Variants in PKP4 observed in about 807,000 individuals in gnomAD.
PKP4 encodes the protein plakophilin-4.
A neutral mutation model predicts 145.1 loss-of-function variants in PKP4; 90 were observed. The ratio of observed to expected loss-of-function variants is 0.62; its 90% CI spans 0.52 to 0.74. The LOEUF (loss-of-function observed/expected upper bound fraction) is 0.74. Among genes scored for constraint, PKP4 ranks in the 30% least tolerant of loss-of-function variants. The pLI, the probability that PKP4 is intolerant of heterozygous loss-of-function variation, is 0.00. For missense variants in PKP4, 1,340 were observed against 1,482.7 expected (o/e 0.90, Z 1.58); for synonymous variants, 563 against 577.2 (o/e 0.98, Z 0.35).
intron 1 of PKP4, among the ~76,000 whole-genome samples, chr2:158,523,549 A>G (rs1170672172): frequency 2.3e-5 from 1 of 43,786 alleles, no homozygotes; most frequent in East Asian, 6.0e-4. Flanking sequence ...GAACAGAAAA[A>G]CTGGAAACTC....
chr2:158,537,404 C>T (rs2044141066), intron 2 of PKP4, among the ~76,000 whole-genome samples: 1 of 152,046 alleles, frequency 6.6e-6, no homozygotes, highest in Non-Finnish European at 1.5e-5. Flanking sequence ...CACAAAATAT[C>T]CACCAGTGTT....
At chr2:158,643,506 TCCAAGA>T (rs2054502896) in intron 11 of PKP4, among the ~76,000 whole-genome samples, 1 of 151,408 alleles carries the variant, frequency 6.6e-6, no homozygotes, top group Non-Finnish European at 1.5e-5. Flanking sequence ...AGGCCAGGAG[TCCAAGA>T]CCAACCTGGG....
At chr2:158,535,703 G>T (rs1415357316) in intron 2 of PKP4, among the ~76,000 whole-genome samples, 3 of 152,138 alleles carry the variant, frequency 2.0e-5, no homozygotes, top group African/African-American at 7.2e-5. Flanking sequence ...TTATAAGTGT[G>T]AGCCAGTGTA....
intron 1 of PKP4, among the ~76,000 whole-genome samples, chr2:158,522,871 G>A (rs1052054898): frequency 1.3e-5 from 2 of 152,192 alleles, no homozygotes; most frequent in African/African-American, 2.4e-5. Flanking sequence ...AGGGGTGACG[G>A]ACGCACCTGG....
intron 2 of PKP4, among the ~76,000 whole-genome samples, chr2:158,570,611 A>G (rs1002740758): frequency 7.9e-5 from 12 of 152,192 alleles, no homozygotes; most frequent in African/African-American, 2.9e-4. Flanking sequence ...TTTCAATATA[A>G]CTGGAACTAA....
chr2:158,480,651 A>G (rs1693214836), intron 1 of PKP4, among the ~76,000 whole-genome samples: 1 of 152,106 alleles, frequency 6.6e-6, no homozygotes, highest in African/African-American at 2.4e-5. Flanking sequence ...TTTAATGAAA[A>G]ATTATATAAA....
intron 1 of PKP4, among the ~76,000 whole-genome samples, chr2:158,501,680 A>T (rs10198528): frequency 7.0e-6 from 1 of 141,856 alleles, no homozygotes; most frequent in South Asian, 2.3e-4. Context: ...GAAGAGGGAG[A>T]TGTAAACGCC....
At chr2:158,498,298 T>G (rs1216676365) in intron 1 of PKP4, among the ~76,000 whole-genome samples, 2 of 152,140 alleles carry the variant, frequency 1.3e-5, no homozygotes, top group Non-Finnish European at 2.9e-5. Flanking sequence ...TTTCCACACA[T>G]TTTTTAGTCA....
Position 158,676,836 on chromosome 2 carries a change from A to T in PKP4, c.3225A>T (p.Gln1075His), listed in dbSNP as rs2058053770. ...TQPPMQYYNS[Q>H]GDATHKGLYP... ...CACCTATGCAGTATTACAATAGCCA[A>T]GGGGATGCCACACATAAAGGCCTGT... Residue 1075 changes from glutamine to histidine, a missense_variant, in exon 20 of 22, where the codon CAA (glutamine) becomes CAT (histidine). Physicochemically the swap from Gln to His is conservative, Grantham distance 24 (BLOSUM62 0). Coordinates refer to ENST00000389759, the MANE Select transcript of PKP4 (RefSeq NM_003628.6). The T allele has an allele frequency of 6.2e-7, 1 of 1,614,012 alleles. No individual in the cohort carries two copies. Among genetic ancestry groups the T allele is most frequent in the Admixed American group, 1.7e-5 (1 of 60,006 alleles).
intron 1 of PKP4, among the ~76,000 whole-genome samples, chr2:158,482,694 G>A (rs925339666): frequency 3.3e-5 from 5 of 152,028 alleles, no homozygotes; most frequent in Admixed American, 1.3e-4. Context: ...AAATTAACTG[G>A]GTGTGGTGGC....
chr2:158,541,338 C>T (rs2044508383), intron 2 of PKP4, among the ~76,000 whole-genome samples: 1 of 152,076 alleles, frequency 6.6e-6, no homozygotes, highest in South Asian at 2.1e-4. Flanking sequence ...ATCAGATCTG[C>T]TTGTACCTCA....
Position 158,670,355 on chromosome 2 carries a change from G to C in PKP4, c.2924+440G>C, listed in dbSNP as rs534725638. The stretch of plus-strand genomic sequence containing the variant: ...AGCTGTCCTTGCACGGTAGAAGGAG[G>C]GAGAGGTCTCAGGCCTGTTTTTATA... On this transcript the variant is annotated intron_variant, in intron 17 of 21. Coordinates refer to ENST00000389759, the MANE Select transcript of PKP4 (RefSeq NM_003628.6). Among the ~76,000 whole-genome samples, 6 of 152,248 alleles carry C rather than the reference G, an allele frequency of 3.9e-5. No individual in the cohort carries two copies. The East Asian group carries it at 1.2e-3, about 29-fold the overall frequency.
chr2:158,506,104 G>GT (rs2040952176), intron 1 of PKP4, among the ~76,000 whole-genome samples: 1 of 152,236 alleles, frequency 6.6e-6, no homozygotes, highest in Non-Finnish European at 1.5e-5. Context: ...ATCAGACTGC[G>GT]TTTCCTTCAG....
intron 1 of PKP4, among the ~76,000 whole-genome samples, chr2:158,522,539 G>A (rs997614977): frequency 2.0e-5 from 3 of 152,168 alleles, no homozygotes; most frequent in Admixed American, 6.5e-5. Flanking sequence ...TGTCCATAGT[G>A]AACCCTCCTC....
At chr2:158,543,821 G>A (rs77770105) in intron 2 of PKP4, among the ~76,000 whole-genome samples, 4,417 of 152,210 alleles carry the variant, frequency 0.029, 142 homozygotes, top group East Asian at 0.14. Context: ...GTAGTTCTCC[G>A]TACGTGGTTA....
At chr2:158,679,726 T>A (rs1032835653) in intron 21 of PKP4, among the ~76,000 whole-genome samples, 9 of 152,220 alleles carry the variant, frequency 5.9e-5, no homozygotes, top group Non-Finnish European at 1.3e-4. Flanking sequence ...GTGTGCCTGG[T>A]CTTGCCCACT....
chr2:158,530,504 CTTTTTTTTTTTTT>C (rs869120223), intron 1 of PKP4, among the ~76,000 whole-genome samples: 1 of 92,138 alleles, frequency 1.1e-5, no homozygotes, highest in African/African-American at 4.3e-5. Context: ...CTCTTTCTTT[CTTTTTTTTTTTTT>C]TTTTTTTTTT....
At chr2:158,507,172 T>C (rs534669496) in intron 1 of PKP4, among the ~76,000 whole-genome samples, 1 of 152,334 alleles carries the variant, frequency 6.6e-6, no homozygotes. Context: ...CCATATATTT[T>C]GCAGTGGTGC....
chr2:158,598,086 G>A (rs2049916614), intron 3 of PKP4, among the ~76,000 whole-genome samples: 2 of 152,146 alleles, frequency 1.3e-5, no homozygotes, highest in South Asian at 4.1e-4. Flanking sequence ...TAGCCTCCCA[G>A]AGTGGTGGAT....
Sources: allele counts gnomAD v4.1 joint callset (sites outside exome capture counted in the v4.1 genomes callset), GRCh38; gene constraint gnomAD v4.1.1; transcripts MANE v1.5; gene names NCBI Gene and HGNC (gene_info 2026-07-23, HGNC 2026-07-21).